The following PPP1R21 variants were observed in gnomAD, a reference collection of about 807,000 sequenced individuals.
PPP1R21 encodes protein phosphatase 1 regulatory subunit 21.
A neutral mutation model predicts 112.8 loss-of-function variants in PPP1R21; 85 were observed. The ratio of observed to expected loss-of-function variants is 0.75; its 90% CI spans 0.63 to 0.90. PPP1R21 has a LOEUF of 0.90. PPP1R21 is among the 40% of genes least tolerant of loss of function. The pLI is 0.00. For synonymous variants in PPP1R21, 381 were observed against 322.3 expected (o/e 1.18, Z -1.95); for missense variants, 1,199 against 901.5 (o/e 1.33, Z -4.23).
intron 13 of PPP1R21, among the ~76,000 whole-genome samples, chr2:48,486,282 A>G (rs1048505983): frequency 4.6e-5 from 7 of 152,112 alleles, no homozygotes; most frequent in Non-Finnish European, 7.4e-5. Flanking sequence ...TTTCTCCTCA[A>G]TGCCTGTTAC....
intron 16 of PPP1R21, among the ~76,000 whole-genome samples, chr2:48,497,505 A>G (rs774643997): frequency 7.2e-5 from 11 of 152,102 alleles, no homozygotes; most frequent in Non-Finnish European, 1.2e-4. Flanking sequence ...TTTTTATTAA[A>G]TGCAATTATG....
chr2:48,469,335 CATATATATATATAGCATATATATAT>C, intron 9 of PPP1R21, among the ~76,000 whole-genome samples: 1 of 14,466 alleles, frequency 6.9e-5, no homozygotes, highest in Middle Eastern at 0.031. Flanking sequence ...ATATATAGAG[CATATATATATATAGCATATATATAT>C]AGAGCATATA....
chr2:48,496,875 A>T (rs1669868496), intron 16 of PPP1R21, among the ~76,000 whole-genome samples: 1 of 152,232 alleles, frequency 6.6e-6, no homozygotes, highest in Non-Finnish European at 1.5e-5. Context: ...GAGCTTCTGA[A>T]TAGCTGAACA....
At position 48,514,903 on chromosome 2, in the gene PPP1R21, A is replaced by G; in HGVS notation, c.*159A>G. 2 of 643,916 alleles carry G rather than the reference A, an allele frequency of 3.1e-6. No homozygotes were observed. The highest frequency in any genetic ancestry group is 5.3e-6 in the Non-Finnish European group (2 of 373,882). The allele number at this position is 643,916 out of a possible 1,614,324, so 39.9% of individuals were successfully genotyped here. A position where few individuals can be genotyped will look rare whatever the true frequency, so the allele number is the denominator to read the frequency against. On this transcript the variant is annotated 3_prime_UTR_variant, in exon 22 of 22. Coordinates refer to ENST00000294952, the MANE Select transcript of PPP1R21 (RefSeq NM_001135629.3). Reference sequence around the variant, plus strand: ...GTTGGAAACGGCCTTGAAATATTTAAAACATATTTGTAACCAGTGAGGCAA... The same window carrying G: ...GTTGGAAACGGCCTTGAAATATTTAGAACATATTTGTAACCAGTGAGGCAA...
intron 11 of PPP1R21, among the ~76,000 whole-genome samples, chr2:48,474,184 A>T (rs55762150): frequency 6.6e-6 from 1 of 151,698 alleles, no homozygotes; most frequent in Non-Finnish European, 1.5e-5. Context: ...GGAGTTCGAG[A>T]CCAGCCTGAC....
At chr2:48,443,771 C>T (rs1667134711) in intron 1 of PPP1R21, among the ~76,000 whole-genome samples, 1 of 152,218 alleles carries the variant, frequency 6.6e-6, no homozygotes. Flanking sequence ...CAGTCCTATG[C>T]CTAAGAGTAT....
chr2:48,470,225 A>G (rs867635531), intron 9 of PPP1R21, among the ~76,000 whole-genome samples: 1 of 152,184 alleles, frequency 6.6e-6, no homozygotes, highest in East Asian at 1.9e-4. Flanking sequence ...GACAGTTATA[A>G]AAAGTTATTA....
chr2:48,481,953 A>G (rs1041071932), intron 13 of PPP1R21, among the ~76,000 whole-genome samples: 8 of 152,212 alleles, frequency 5.3e-5, no homozygotes, highest in African/African-American at 1.9e-4. Flanking sequence ...CCTTCAGGCT[A>G]TATGTATAAG....
intron 15 of PPP1R21, 99 bp from the exon 16 acceptor site, chr2:48,495,580 T>G (rs1019799974): frequency 6.2e-5 from 43 of 689,310 alleles, no homozygotes; most frequent in Non-Finnish European, 9.4e-5. Flanking sequence ...ACATCTGAAT[T>G]TATTGTCACA....
intron 1 of PPP1R21, among the ~76,000 whole-genome samples, chr2:48,447,983 A>G (rs112041933): frequency 0.026 from 3,935 of 152,002 alleles, 100 homozygotes; most frequent in African/African-American, 0.07. Flanking sequence ...TAAAATAAAA[A>G]AAAAAGATCA....
At chr2:48,494,239 CAAAAAAAAAAAAAAA>C (rs70943345) in intron 15 of PPP1R21, among the ~76,000 whole-genome samples, 3 of 42,250 alleles carry the variant, frequency 7.1e-5, no homozygotes, top group Admixed American at 4.3e-4. Context: ...GACCTTGTCT[CAAAAAAAAAAAAAAA>C]AAAAAAAAAA....
At chr2:48,468,825 A>G (rs1362514455) in intron 9 of PPP1R21, among the ~76,000 whole-genome samples, 2 of 43,906 alleles carry the variant, frequency 4.6e-5, no homozygotes, top group African/African-American at 8.5e-5. Context: ...AAGAAAAAAA[A>G]TGTATGTGTG....
chr2:48,451,291 GTAT>G (rs1558421043), intron 2 of PPP1R21, among the ~76,000 whole-genome samples: 1 of 152,200 alleles, frequency 6.6e-6, no homozygotes. Flanking sequence ...ATAAAAAAAG[GTAT>G]TATGTGACTT....
chr2:48,442,904 G>T (rs549607777), intron 1 of PPP1R21, among the ~76,000 whole-genome samples: 1 of 152,308 alleles, frequency 6.6e-6, no homozygotes, highest in East Asian at 1.9e-4. Flanking sequence ...CAAAGGTTAA[G>T]CAGGGGAGTG....
chr2:48,469,375 T>G (rs1235867081), intron 9 of PPP1R21, among the ~76,000 whole-genome samples: 2 of 12,736 alleles, frequency 1.6e-4, no homozygotes, highest in Non-Finnish European at 2.5e-4. Context: ...CATATATATA[T>G]ATAGCATATA....
chr2:48,490,298 A>G (rs1285554583), intron 14 of PPP1R21, among the ~76,000 whole-genome samples: 1 of 152,108 alleles, frequency 6.6e-6, no homozygotes, highest in Admixed American at 6.5e-5. Flanking sequence ...TTAAGTATTT[A>G]ATGATCCAGA....
At chr2:48,470,567 C>T (rs1426815747) in intron 9 of PPP1R21, among the ~76,000 whole-genome samples, 1 of 151,494 alleles carries the variant, frequency 6.6e-6, no homozygotes, top group Non-Finnish European at 1.5e-5. Context: ...ATAATTACAT[C>T]CTTGGAATTT....
intron 15 of PPP1R21, among the ~76,000 whole-genome samples, chr2:48,492,021 A>G (rs1233883329): frequency 1.3e-5 from 2 of 152,182 alleles, no homozygotes; most frequent in Admixed American, 6.5e-5. Flanking sequence ...TTGCTGGTAG[A>G]TATTTAAGTT....
chr2:48,485,309 A>G (rs939900462), intron 13 of PPP1R21, among the ~76,000 whole-genome samples: 3 of 90,276 alleles, frequency 3.3e-5, no homozygotes, highest in Non-Finnish European at 8.6e-5. Flanking sequence ...ATAAAATGTA[A>G]AAAAAAAAAC....
Sources: gnomAD v4.1 joint callset for allele counts (sites outside exome capture counted in the v4.1 genomes callset) on GRCh38, gnomAD v4.1.1 for gene constraint, MANE v1.5 for transcripts, NCBI Gene and HGNC (gene_info 2026-07-23, HGNC 2026-07-21) for gene names.